The following XKR4 variants were observed in gnomAD, a reference collection of about 807,000 sequenced individuals.
XKR4 encodes the protein XK related 4, also known as XK-related protein 4.
XKR4 carries 12 observed loss-of-function variants against 53.9 expected under a neutral mutation model. That is an observed-to-expected ratio of 0.22 (90% CI 0.14 to 0.36). The LOEUF is 0.36. XKR4 is among the 10% of genes least tolerant of loss of function. The pLI is 1.00. For synonymous variants in XKR4, 354 were observed against 362.4 expected (o/e 0.98, Z 0.26); for missense variants, 799 against 859.5 (o/e 0.93, Z 0.88).
chr8:55,182,276 T>G (rs899412085), intron 1 of XKR4, among the ~76,000 whole-genome samples: 1 of 152,116 alleles, frequency 6.6e-6, no homozygotes, highest in Admixed American at 6.5e-5. Flanking sequence ...TAAAGTCCAG[T>G]TTATCAATTT....
chr8:55,414,780 T>G (rs1444616671), intron 2 of XKR4, among the ~76,000 whole-genome samples: 2 of 152,206 alleles, frequency 1.3e-5, no homozygotes, highest in African/African-American at 4.8e-5. Flanking sequence ...CCGAGCCATC[T>G]TTAATGAAAA....
In XKR4 at chr8:55,102,524, GA is replaced by G; in HGVS notation, c.40del (p.Ser14AlafsTer263). The G allele has an allele frequency of 1.3e-6, 2 of 1,549,618 alleles. No homozygotes were observed. The highest frequency in any genetic ancestry group is 1.8e-5 in the Admixed American group (1 of 55,678). ...AATCAGACGGGAGGCTGAAAATGAA[GA>G]AAAGCAGCGACGTGGCGTTCACCCC... The part of the protein sequence containing the change: ...AKSDGRLKMK[K>X]SSDVAFTPLQ... On this transcript the variant is annotated frameshift_variant, in exon 1 of 3. Coordinates refer to ENST00000327381, the MANE Select transcript of XKR4 (RefSeq NM_052898.2). LOFTEE classifies it high-confidence loss of function. This position sits in a 1 kb window ranked among gnomAD's most constrained non-coding sequence, Gnocchi z 5.1.
At chr8:55,369,455 G>A in intron 2 of XKR4, among the ~76,000 whole-genome samples, 1 of 130,794 alleles carries the variant, frequency 7.6e-6, no homozygotes. Context: ...GGAGGAACGG[G>A]AGGGAAAGGG....
intron 2 of XKR4, among the ~76,000 whole-genome samples, chr8:55,367,231 T>TTG (rs58010809): frequency 0.054 from 8,185 of 150,424 alleles, 361 homozygotes; most frequent in African/African-American, 0.13. Context: ...ACATACATTA[T>TTG]TGTGTGTGTG....
At chr8:55,313,198 A>C (rs1819412150) in intron 1 of XKR4, among the ~76,000 whole-genome samples, 1 of 152,194 alleles carries the variant, frequency 6.6e-6, no homozygotes, top group Non-Finnish European at 1.5e-5. Flanking sequence ...TCTTCAAAAA[A>C]AAATTGCTAT....
intron 1 of XKR4, among the ~76,000 whole-genome samples, chr8:55,337,945 G>T (rs904209010): frequency 6.6e-6 from 1 of 152,178 alleles, no homozygotes; most frequent in African/African-American, 2.4e-5. Context: ...TCAATATGAA[G>T]GGTCTTCCTT....
intron 1 of XKR4, among the ~76,000 whole-genome samples, chr8:55,201,545 T>C (rs1817577296): frequency 6.6e-6 from 1 of 152,222 alleles, no homozygotes; most frequent in South Asian, 2.1e-4. Context: ...ACACAGGTGC[T>C]ATGTGGTGGG....
chr8:55,405,896 C>A (rs1475849674), intron 2 of XKR4, among the ~76,000 whole-genome samples: 1 of 152,228 alleles, frequency 6.6e-6, no homozygotes, highest in East Asian at 1.9e-4. Context: ...ACTTCCTTCT[C>A]TGTAAGTGAG....
intron 1 of XKR4, among the ~76,000 whole-genome samples, chr8:55,303,922 A>G (rs2129377263): frequency 6.6e-6 from 1 of 151,890 alleles, no homozygotes; most frequent in Admixed American, 6.6e-5. Flanking sequence ...TGGTCTATCA[A>G]TTTTGTTGAT....
At position 55,541,010 on chromosome 8, in the gene XKR4, A is replaced by G. The variant is rs1337492781; in HGVS notation, c.*16783A>G. 6.6e-6 allele frequency: 1 copy of G among 152,190 alleles called. No individual in the cohort carries two copies. The highest frequency in any genetic ancestry group is 1.5e-5 in the Non-Finnish European group (1 of 68,034). The allele number at this position is 152,190 out of a possible 1,614,324, so 9.4% of individuals were successfully genotyped here. A position where few individuals can be genotyped will look rare whatever the true frequency, so the allele number is the denominator to read the frequency against. On this transcript the variant is annotated 3_prime_UTR_variant, in exon 3 of 3. Transcript: ENST00000327381. ...GAAACATCGTGCTTAGCATGAAACC[A>G]TTGCACAATATAAACCTGCTCCCAA...
At chr8:55,340,268 G>A (rs1803523394) in intron 1 of XKR4, among the ~76,000 whole-genome samples, 1 of 152,226 alleles carries the variant, frequency 6.6e-6, no homozygotes, top group Admixed American at 6.5e-5. Context: ...TGCATTTTTA[G>A]CTGAGGTTGT....
chr8:55,186,770 T>C (rs1817384480), intron 1 of XKR4, among the ~76,000 whole-genome samples: 1 of 152,192 alleles, frequency 6.6e-6, no homozygotes, highest in Non-Finnish European at 1.5e-5. Context: ...CACTCAGATG[T>C]GCTTAATAAT....
rs143948286 is a variant in XKR4, at chr8:55,145,516, A to G, written c.806+42222A>G. On this transcript the variant is annotated intron_variant, in intron 1 of 2. Coordinates refer to ENST00000327381, the MANE Select transcript of XKR4 (RefSeq NM_052898.2). Reference sequence around the variant, plus strand: ...TCCTCCTCCCAGAAATATTTGGCATAATTTGGGGCACTGGAGAGAGTGTCC... The same window carrying G: ...TCCTCCTCCCAGAAATATTTGGCATGATTTGGGGCACTGGAGAGAGTGTCC... 2.0e-5 allele frequency among the ~76,000 whole-genome samples: 3 copies of G among 152,296 alleles called. No individual in the cohort carries two copies. The East Asian group carries it at 5.8e-4, about 29-fold the overall frequency.
chr8:55,275,348 A>G (rs1458023818), intron 1 of XKR4, among the ~76,000 whole-genome samples: 1 of 152,244 alleles, frequency 6.6e-6, no homozygotes, highest in African/African-American at 2.4e-5. Context: ...TTTAGCTAAT[A>G]TAGTTGAAAC....
chr8:55,379,040 G>A (rs1034174415), intron 2 of XKR4, among the ~76,000 whole-genome samples: 20 of 152,134 alleles, frequency 1.3e-4, no homozygotes, highest in Admixed American at 2.6e-4. Flanking sequence ...CTTATTCCAG[G>A]TGAACCCTCA....
At chr8:55,416,759 A>G (rs1003030475) in intron 2 of XKR4, among the ~76,000 whole-genome samples, 1 of 152,220 alleles carries the variant, frequency 6.6e-6, no homozygotes, top group Non-Finnish European at 1.5e-5. Context: ...ATCTGATTGT[A>G]GCCAGAAATG....
At chr8:55,285,080 T>C (rs1344450579) in intron 1 of XKR4, among the ~76,000 whole-genome samples, 1 of 152,102 alleles carries the variant, frequency 6.6e-6, no homozygotes, top group Non-Finnish European at 1.5e-5. Context: ...TCACAACCCA[T>C]CTCCCTCAGA....
chr8:55,477,271 C>T (rs565628674), intron 2 of XKR4, among the ~76,000 whole-genome samples: 2 of 152,270 alleles, frequency 1.3e-5, no homozygotes, highest in East Asian at 1.9e-4. Context: ...TCTGCAGCCA[C>T]CACTGCTGAT....
chr8:55,460,361 T>C (rs1367689174), intron 2 of XKR4, among the ~76,000 whole-genome samples: 1 of 152,230 alleles, frequency 6.6e-6, no homozygotes, highest in East Asian at 1.9e-4. Context: ...GTTGTGCCAC[T>C]GAATAAATTT....
Sources: gnomAD v4.1 joint callset for allele counts (sites outside exome capture counted in the v4.1 genomes callset) on GRCh38, gnomAD v4.1.1 for gene constraint, Gnocchi (gnomAD v3.1) non-coding constraint, MANE v1.5 for transcripts, NCBI Gene and HGNC (gene_info 2026-07-23, HGNC 2026-07-21) for gene names.